The following IL1RAPL1 variants were observed in gnomAD, a reference collection of about 807,000 sequenced individuals.
IL1RAPL1 encodes interleukin 1 receptor accessory protein like 1, also known as interleukin-1 receptor accessory protein-like 1.
A neutral mutation model predicts 48.4 loss-of-function variants in IL1RAPL1; 3 were observed. That is an observed-to-expected ratio of 0.06 (90% confidence interval 0.03 to 0.16). The LOEUF (loss-of-function observed/expected upper bound fraction) is 0.16. Among genes scored for constraint, IL1RAPL1 ranks in the 10% least tolerant of loss-of-function variants. The pLI is 1.00. For missense variants in IL1RAPL1, 349 were observed against 530.6 expected (o/e 0.66, Z 3.36); for synonymous variants, 185 against 187.7 (o/e 0.99, Z 0.12).
chrX:29,645,685 C>T (rs1364286841), intron 5 of IL1RAPL1, among the ~76,000 whole-genome samples: 6 of 111,887 alleles, frequency 5.4e-5, no homozygotes, highest in African/African-American at 1.6e-4. Context: ...ATAGGCAGGC[C>T]TTAGTGGCTG....
At chrX:29,345,865 A>G (rs1222238979) in intron 3 of IL1RAPL1, among the ~76,000 whole-genome samples, 1 of 112,101 alleles carries the variant, frequency 8.9e-6, no homozygotes, top group Non-Finnish European at 1.9e-5. Context: ...CACCTTACAA[A>G]TCAAACAACT....
chrX:29,103,077 C>T (rs968083595), intron 2 of IL1RAPL1, among the ~76,000 whole-genome samples: 1 of 111,846 alleles, frequency 8.9e-6, no homozygotes, highest in Non-Finnish European at 1.9e-5. Context: ...CAATGCAATT[C>T]CTATCAAAAT....
intron 6 of IL1RAPL1, among the ~76,000 whole-genome samples, chrX:29,744,940 A>G (rs1928295384): frequency 1.8e-5 from 2 of 112,200 alleles, no homozygotes; most frequent in Admixed American, 1.9e-4. Context: ...AGCTGTTATT[A>G]GGGAAATCTC....
At chrX:29,283,342 C>T in intron 3 of IL1RAPL1, 125 bp downstream of exon 3, 5 of 635,770 alleles carry the variant, frequency 7.9e-6, no homozygotes, top group Non-Finnish European at 1.2e-5. Context: ...TTGCTGCTTT[C>T]TAAAATTTAG....
chrX:29,246,784 A>G (rs1353794681), intron 2 of IL1RAPL1, among the ~76,000 whole-genome samples: 4 of 111,123 alleles, frequency 3.6e-5, no homozygotes, highest in Non-Finnish European at 7.5e-5. Flanking sequence ...TTTTGTAACC[A>G]TAATTGTTTT....
intron 1 of IL1RAPL1, among the ~76,000 whole-genome samples, chrX:28,656,752 C>T (rs755870832): frequency 8.1e-5 from 9 of 111,647 alleles, no homozygotes; most frequent in African/African-American, 2.0e-4. Context: ...TACGGCCGGG[C>T]GTGGTGGCTC....
At chrX:28,851,303 T>A (rs1022040390) in intron 2 of IL1RAPL1, among the ~76,000 whole-genome samples, 1 of 110,547 alleles carries the variant, frequency 9.0e-6, no homozygotes, top group South Asian at 3.8e-4. Flanking sequence ...ACTCCTTAAC[T>A]GCACACATAT....
intron 1 of IL1RAPL1, among the ~76,000 whole-genome samples, chrX:28,682,940 G>A (rs1040741336): frequency 3.7e-4 from 41 of 112,048 alleles, no homozygotes; most frequent in African/African-American, 1.1e-3. Context: ...AAGGTCAGGA[G>A]TGTTAGTGAT....
At chrX:29,512,328 G>A (rs929901315) in intron 5 of IL1RAPL1, among the ~76,000 whole-genome samples, 1 of 97,724 alleles carries the variant, frequency 1.0e-5, no homozygotes, top group African/African-American at 3.6e-5. Context: ...TAAGTACTAA[G>A]AAACTCTTTC....
chrX:28,945,352 A>C (rs754914728), intron 2 of IL1RAPL1, among the ~76,000 whole-genome samples: 5 of 111,495 alleles, frequency 4.5e-5, no homozygotes, highest in Non-Finnish European at 9.4e-5. Context: ...AACCAATCCA[A>C]ATGCCCATCA....
intron 5 of IL1RAPL1, among the ~76,000 whole-genome samples, chrX:29,462,588 C>A (rs946428226): frequency 9.0e-6 from 1 of 111,532 alleles, no homozygotes; most frequent in African/African-American, 3.3e-5. Flanking sequence ...GGAGTCACAG[C>A]CTCTAGCAAG....
chrX:28,613,581 T>C (rs565087046), intron 1 of IL1RAPL1, among the ~76,000 whole-genome samples: 10 of 112,637 alleles, frequency 8.9e-5, no homozygotes, highest in East Asian at 2.8e-4. Flanking sequence ...TCTTTCCTTT[T>C]GGACAGAAGC....
chrX:28,626,384 C>A lies in IL1RAPL1; in HGVS notation c.-25+38337C>A, dbSNP rs146796897. 1.4e-4 allele frequency among the ~76,000 whole-genome samples: 16 copies of A among 112,072 alleles called. No individual in the cohort carries two copies. The East Asian group carries it at 4.2e-3, about 29-fold the overall frequency. On this transcript the variant is annotated intron_variant, in intron 1 of 10. Transcript: ENST00000378993. ...ATGTTAATGTGTTGTCAAATCTTCT[C>A]CAACTTTCTTTTTCTCTCTTTTTTT...
At chrX:29,200,051 A>G (rs1264030973) in intron 2 of IL1RAPL1, among the ~76,000 whole-genome samples, 1 of 111,563 alleles carries the variant, frequency 9.0e-6, no homozygotes, top group African/African-American at 3.3e-5. Flanking sequence ...GTTTTGCTAT[A>G]CTGATGGAAG....
intron 2 of IL1RAPL1, among the ~76,000 whole-genome samples, chrX:28,977,767 G>A (rs1925239220): frequency 8.9e-6 from 1 of 112,313 alleles, no homozygotes; most frequent in African/African-American, 3.2e-5. Flanking sequence ...GGCCAGCCTG[G>A]CCAACATGGT....
intron 6 of IL1RAPL1, among the ~76,000 whole-genome samples, chrX:29,837,296 TATATACAC>T (rs1465021216): frequency 6.7e-5 from 5 of 74,619 alleles, no homozygotes; most frequent in African/African-American, 2.7e-4. Context: ...TATATATATA[TATATACAC>T]ACACACACAC....
intron 5 of IL1RAPL1, among the ~76,000 whole-genome samples, chrX:29,578,782 A>G (rs1248178284): frequency 8.9e-6 from 1 of 111,992 alleles, no homozygotes; most frequent in Non-Finnish European, 1.9e-5. Flanking sequence ...ATATGCTAAC[A>G]TAAATGGGTG....
At chrX:29,843,520 CT>C (rs1931180335) in intron 6 of IL1RAPL1, among the ~76,000 whole-genome samples, 1 of 111,515 alleles carries the variant, frequency 9.0e-6, no homozygotes. Context: ...GACTTAGAGG[CT>C]TAAAACAACA....
chrX:29,426,752 C>T (rs1016365154), intron 5 of IL1RAPL1, among the ~76,000 whole-genome samples: 1 of 109,165 alleles, frequency 9.2e-6, no homozygotes, highest in Admixed American at 9.7e-5. Context: ...TGAAATCATA[C>T]TCTCTTTCTC....
Sources: allele counts gnomAD v4.1 joint callset (sites outside exome capture counted in the v4.1 genomes callset), GRCh38; gene constraint gnomAD v4.1.1; transcripts MANE v1.5; gene names NCBI Gene and HGNC (gene_info 2026-07-23, HGNC 2026-07-21).